KDM4C: variants seen among roughly 807,000 people sequenced by gnomAD.
The protein encoded by KDM4C is lysine-specific demethylase 4C.
In KDM4C, 81 loss-of-function variants were observed where a neutral mutation model predicts 129.3. That is an observed-to-expected ratio of 0.63 (90% confidence interval 0.52 to 0.75). KDM4C has a LOEUF of 0.75. Ranked by LOEUF, KDM4C falls within the 30% of genes least tolerant of loss-of-function variation. KDM4C has a pLI of 0.00. For missense variants in KDM4C, 1,457 were observed against 1,304.0 expected (o/e 1.12, Z -1.81); for synonymous variants, 573 against 456.1 (o/e 1.26, Z -3.26).
intron 19 of KDM4C, among the ~76,000 whole-genome samples, chr9:7,137,187 G>C (rs1587825466): frequency 6.6e-6 from 1 of 152,278 alleles, no homozygotes; most frequent in East Asian, 1.9e-4. Context: ...TGGCGCACCT[G>C]CTGGTCCCCT....
chr9:6,854,110 G>C (rs182496429), intron 5 of KDM4C, among the ~76,000 whole-genome samples: 1 of 151,932 alleles, frequency 6.6e-6, no homozygotes, highest in Non-Finnish European at 1.5e-5. Context: ...AGGAGTTTCA[G>C]TGATTAAAAA....
At chr9:6,823,421 G>A (rs1346479379) in intron 4 of KDM4C, among the ~76,000 whole-genome samples, 1 of 152,154 alleles carries the variant, frequency 6.6e-6, no homozygotes, top group Non-Finnish European at 1.5e-5. Context: ...AGAATTTCCT[G>A]TGTGTGTAAC....
chr9:6,739,696 C>T (rs1193170751), intron 1 of KDM4C, among the ~76,000 whole-genome samples: 1 of 150,206 alleles, frequency 6.7e-6, no homozygotes, highest in African/African-American at 2.5e-5. Flanking sequence ...TATTAGAAAC[C>T]TTTAAATAGC....
At chr9:7,011,551 C>A (rs112438110) in intron 12 of KDM4C, 147 bp from the exon 13 acceptor site, 2 of 687,584 alleles carry the variant, frequency 2.9e-6, no homozygotes, top group Non-Finnish European at 5.0e-6. Context: ...TATCCTGGCT[C>A]TCTCAGGATG....
intron 1 of KDM4C, among the ~76,000 whole-genome samples, chr9:6,763,622 C>G (rs1002703067): frequency 6.6e-6 from 1 of 152,110 alleles, no homozygotes; most frequent in East Asian, 1.9e-4. Context: ...AAATTTTCTC[C>G]TATGAATCAG....
At chr9:6,886,956 C>G (rs1845388013) in intron 6 of KDM4C, among the ~76,000 whole-genome samples, 1 of 152,154 alleles carries the variant, frequency 6.6e-6, no homozygotes, top group Non-Finnish European at 1.5e-5. Flanking sequence ...ATAGAGAGAT[C>G]CACAGAGTTA....
chr9:6,944,631 A>G (rs1259165039), intron 8 of KDM4C, among the ~76,000 whole-genome samples: 2 of 132,936 alleles, frequency 1.5e-5, no homozygotes, highest in Non-Finnish European at 3.2e-5. Context: ...CACCAGCAAC[A>G]CACTTTTTGT....
intron 17 of KDM4C, among the ~76,000 whole-genome samples, chr9:7,074,084 T>C (rs1833579094): frequency 6.6e-6 from 1 of 152,204 alleles, no homozygotes; most frequent in East Asian, 1.9e-4. Flanking sequence ...AAGATTGTAG[T>C]GCATCTTACT....
At chr9:6,741,880 T>A (rs1020328479) in intron 1 of KDM4C, among the ~76,000 whole-genome samples, 3 of 137,478 alleles carry the variant, frequency 2.2e-5, no homozygotes, top group Non-Finnish European at 4.6e-5. Context: ...TTAAGCATTT[T>A]AAAATGTTGT....
At chr9:6,910,700 A>G (rs968840771) in intron 8 of KDM4C, among the ~76,000 whole-genome samples, 1 of 152,218 alleles carries the variant, frequency 6.6e-6, no homozygotes, top group Non-Finnish European at 1.5e-5. Flanking sequence ...GTGACCCTGC[A>G]TCCACACCTG....
chr9:6,991,502 T>A (rs967271001), intron 12 of KDM4C, among the ~76,000 whole-genome samples: 1 of 152,122 alleles, frequency 6.6e-6, no homozygotes, highest in African/African-American at 2.4e-5. Context: ...GCCTTATTTT[T>A]TCTGTGTTTA....
chr9:6,784,034 G>A (rs111633897), intron 1 of KDM4C, among the ~76,000 whole-genome samples: 261 of 152,230 alleles, frequency 1.7e-3, no homozygotes, highest in African/African-American at 6.2e-3. Context: ...TGAGGAAGAA[G>A]CTCATGGAAG....
At chr9:7,037,836 A>G (rs1230230348) in intron 15 of KDM4C, among the ~76,000 whole-genome samples, 1 of 152,044 alleles carries the variant, frequency 6.6e-6, no homozygotes, top group Non-Finnish European at 1.5e-5. Context: ...GCATTTTAGT[A>G]TATATATTTT....
chr9:6,782,917 T>A (rs546492589), intron 1 of KDM4C, among the ~76,000 whole-genome samples: 2 of 152,246 alleles, frequency 1.3e-5, no homozygotes, highest in East Asian at 3.9e-4. Flanking sequence ...TAGTAATAGT[T>A]GGTATGGAGA....
intron 19 of KDM4C, among the ~76,000 whole-genome samples, chr9:7,134,018 C>T (rs765333577): frequency 1.8e-4 from 28 of 152,218 alleles, no homozygotes; most frequent in Non-Finnish European, 3.1e-4. Context: ...TGTCCCATCC[C>T]AGACCATTTG....
intron 8 of KDM4C, among the ~76,000 whole-genome samples, chr9:6,971,078 G>A (rs1356965079): frequency 6.6e-6 from 1 of 152,076 alleles, no homozygotes; most frequent in Non-Finnish European, 1.5e-5. Flanking sequence ...AAAAATTTTT[G>A]TGCCAGTGGA....
chr9:6,745,415 A>G (rs1194466991), intron 1 of KDM4C, among the ~76,000 whole-genome samples: 1 of 152,006 alleles, frequency 6.6e-6, no homozygotes, highest in African/African-American at 2.4e-5. Context: ...CCTGGGCAAC[A>G]TAGTGAGACC....
chr9:7,104,458 A>G (rs1837453154), intron 18 of KDM4C: 1 of 152,244 alleles, frequency 6.6e-6, no homozygotes, highest in Non-Finnish European at 1.5e-5. Flanking sequence ...AGAAAAAAAT[A>G]GAAAAGTAGA....
chr9:7,161,409 C>T (rs547645041), intron 19 of KDM4C, among the ~76,000 whole-genome samples: 1 of 152,198 alleles, frequency 6.6e-6, no homozygotes, highest in South Asian at 2.1e-4. Flanking sequence ...CCGTCTTTTG[C>T]ATCAATCACG....
Sources: allele counts gnomAD v4.1 joint callset (sites outside exome capture counted in the v4.1 genomes callset), GRCh38; gene constraint gnomAD v4.1.1; transcripts MANE v1.5; gene names NCBI Gene and HGNC (gene_info 2026-07-23, HGNC 2026-07-21).